Variants in AGO2 observed in about 807,000 individuals in gnomAD.
AGO2 encodes the protein argonaute RISC catalytic component 2.
In AGO2, 5 loss-of-function variants were observed where a neutral mutation model predicts 102.3. The ratio of observed to expected loss-of-function variants is 0.05; its 90% CI spans 0.03 to 0.10. The LOEUF (loss-of-function observed/expected upper bound fraction) is 0.10. Ranked by LOEUF, AGO2 falls within the 10% of genes least tolerant of loss-of-function variation. The pLI is 1.00. For missense variants in AGO2, 541 were observed against 1,183.7 expected (o/e 0.46, Z 7.97); for synonymous variants, 449 against 473.1 (o/e 0.95, Z 0.66).
chr8:140,608,554 G>A (rs369078968), intron 1 of AGO2, among the ~76,000 whole-genome samples: 7 of 152,224 alleles, frequency 4.6e-5, no homozygotes, highest in Non-Finnish European at 8.8e-5. Flanking sequence ...GGACCGGGGC[G>A]GGGACCTGAG....
chr8:140,543,190 C>T (rs985540431), intron 14 of AGO2, among the ~76,000 whole-genome samples: 7 of 140,330 alleles, frequency 5.0e-5, no homozygotes, highest in African/African-American at 1.2e-4. Context: ...AAAAAACCCA[C>T]AAAACAACAA....
intron 1 of AGO2, among the ~76,000 whole-genome samples, chr8:140,597,398 T>A (rs1199434413): frequency 1.3e-5 from 2 of 151,148 alleles, no homozygotes; most frequent in Non-Finnish European, 2.9e-5. Context: ...GGAGTTGAAG[T>A]CTGGCTGACA....
chr8:140,592,399 C>A (rs981080762), intron 1 of AGO2: 1 of 152,174 alleles, frequency 6.6e-6, no homozygotes, highest in Non-Finnish European at 1.5e-5. Flanking sequence ...TTTGTGATTC[C>A]GACTCTGTAT....
At chr8:140,606,721 G>A (rs189478998) in intron 1 of AGO2, among the ~76,000 whole-genome samples, 5 of 152,262 alleles carry the variant, frequency 3.3e-5, no homozygotes, top group Middle Eastern at 6.8e-3. Flanking sequence ...CAGATCACCC[G>A]AGGTCAGGAG....
rs111566059 is a variant in AGO2 at position 140,610,249 on chromosome 8, C to T, written c.23-24938G>A. 5.6e-3 allele frequency among the ~76,000 whole-genome samples: 849 copies of T among 152,046 alleles called. 10 individuals are homozygous for T. Among genetic ancestry groups the T allele is most frequent in the African/African-American group, 0.019 (778 of 41,470 alleles). ...CCCAAAACCAAAAACCAAAGACAGA[C>T]GGCAAAGACAAGAGATCAGGAAAGG... is the stretch of plus-strand genomic sequence containing the variant. On this transcript the variant is annotated intron_variant, in intron 1 of 18. Coordinates refer to ENST00000220592, the MANE Select transcript of AGO2 (RefSeq NM_012154.5).
Position 140,532,502 on chromosome 8 carries a change from G to C in AGO2, c.2385C>G (p.Arg795=). The part of the protein sequence containing the change: ...QLCHTYVRCT[R]SVSIPAPAYY... ...ATGCTGGCGCTGGGATGGACACGGA[G>C]CGTGTGCAGCGCACGTAGGTGTGAC... is the stretch of plus-strand genomic sequence containing the variant. The change falls in exon 18 of 19, where the codon CGC becomes CGG. Residue 795 remains arginine (R), a synonymous_variant. Transcript: ENST00000220592. The C allele has an allele frequency of 6.2e-7, 1 of 1,614,284 alleles. No homozygotes were observed. The highest frequency in any genetic ancestry group is 8.5e-7 in the Non-Finnish European group (1 of 1,180,056).
chr8:140,630,900 A>G (rs995753124), intron 1 of AGO2, among the ~76,000 whole-genome samples: 1 of 152,078 alleles, frequency 6.6e-6, no homozygotes, highest in Admixed American at 6.5e-5. Flanking sequence ...AAAAAGTAAA[A>G]CACCTTCGCT....
chr8:140,610,341 C>T (rs1410407751), intron 1 of AGO2, among the ~76,000 whole-genome samples: 1 of 152,126 alleles, frequency 6.6e-6, no homozygotes, highest in Admixed American at 6.5e-5. Flanking sequence ...CCTCAGCCTC[C>T]CGAGTAGCTG....
intron 13 of AGO2, 62 bp from the exon 14 acceptor site, chr8:140,544,365 G>A (rs1231858998): frequency 1.4e-6 from 2 of 1,402,868 alleles, no homozygotes; most frequent in Non-Finnish European, 1.9e-6. Flanking sequence ...GACGCTAGTA[G>A]GTGCCACCAT....
chr8:140,539,210 A>C lies in AGO2; in HGVS notation c.2169+110T>G. On this transcript the variant is annotated intron_variant, in intron 16 of 18. Coordinates refer to ENST00000220592, the MANE Select transcript of AGO2 (RefSeq NM_012154.5). The surrounding 1 kb of genome is among the most constrained non-coding windows in gnomAD (Gnocchi z 4.7). ...GCCCCTTAGAGGACAGAGTCACCCT[A>C]GAGCCTGGGACAGCGGCACTGTGGC... 30 of 1,455,738 alleles carry C rather than the reference A, an allele frequency of 2.1e-5. No individual in the cohort carries two copies. Among genetic ancestry groups the C allele is most frequent in the Non-Finnish European group, 2.5e-5 (27 of 1,088,562 alleles). The allele number at this position is 1,455,738 out of a possible 1,614,324, so 90.2% of individuals were successfully genotyped here.
rs1263945668 is a variant in AGO2, at chr8:140,557,664, C to T, written c.879-428G>A. Among the ~76,000 whole-genome samples the T allele has an allele frequency of 2.6e-5, 4 of 152,214 alleles. No homozygotes were observed. Among genetic ancestry groups the T allele is most frequent in the East Asian group, 1.9e-4 (1 of 5,206 alleles). ...GCAGGCCAGGCCGGTTCCGGCCGCA[C>T]GGTGACGGCAGGAGACGCCTGGGTG... On this transcript the variant is annotated intron_variant, in intron 7 of 18. Coordinates refer to ENST00000220592, the MANE Select transcript of AGO2 (RefSeq NM_012154.5). The surrounding 1 kb of genome is among the most constrained non-coding windows in gnomAD (Gnocchi z 5.9).
chr8:140,612,022 G>T (rs1284446051), intron 1 of AGO2, among the ~76,000 whole-genome samples: 4 of 151,412 alleles, frequency 2.6e-5, no homozygotes, highest in Admixed American at 1.3e-4. Flanking sequence ...AGGAGATCGA[G>T]ACCATCCTGG....
In AGO2 at chr8:140,535,340, C is replaced by T. The variant is rs1270394822; in HGVS notation, c.2271+128G>A. The T allele has an allele frequency of 4.0e-6, 4 of 991,704 alleles. No homozygotes were observed. The African/African-American group carries it at 4.8e-5, about 12-fold the overall frequency. The allele number at this position is 991,704 out of a possible 1,614,324, so 61.4% of individuals were successfully genotyped here. A position where few individuals can be genotyped will look rare whatever the true frequency, so the allele number is the denominator to read the frequency against. The stretch of plus-strand genomic sequence containing the variant: ...TGGCACAGCCTGGGCTCCCCGGTTC[C>T]CTGGTACTGCCTGTGTGGGCCCCTC... On this transcript the variant is annotated intron_variant, in intron 17 of 18. Coordinates refer to ENST00000220592, the MANE Select transcript of AGO2 (RefSeq NM_012154.5).
At chr8:140,593,795 C>T (rs533123686) in intron 1 of AGO2, among the ~76,000 whole-genome samples, 30 of 152,202 alleles carry the variant, frequency 2.0e-4, no homozygotes, top group Non-Finnish European at 3.7e-4. Context: ...AGATGTGGTC[C>T]GAGGTGTCTG....
Position 140,544,308 on chromosome 8 carries a change from GGA to G in AGO2, c.1749-7_1749-6del. 6.3e-7 allele frequency: 1 copy of G among 1,598,184 alleles called. No individual in the cohort carries two copies. Among genetic ancestry groups the G allele is most frequent in the Non-Finnish European group, 8.5e-7 (1 of 1,173,770 alleles). ...GGCTGCTGGAACACCGGCGGCCTGCGGAGAGGAGTGGCGTCAGGGGCCACGGT... is the reference window on the plus strand; with the variant it reads ...GGCTGCTGGAACACCGGCGGCCTGCGGAGGAGTGGCGTCAGGGGCCACGGT... On this transcript the variant is annotated splice_region_variant and splice_polypyrimidine_tract_variant and intron_variant, in intron 13 of 18. Transcript: ENST00000220592.
At chr8:140,634,203 CT>C (rs1369711511) in intron 1 of AGO2, among the ~76,000 whole-genome samples, 1 of 152,268 alleles carries the variant, frequency 6.6e-6, no homozygotes, top group African/African-American at 2.4e-5. Context: ...CTTGTTGAAG[CT>C]TTCTAAATGA....
intron 1 of AGO2, among the ~76,000 whole-genome samples, chr8:140,617,952 G>A (rs2074162371): frequency 6.6e-6 from 1 of 151,708 alleles, no homozygotes; most frequent in Non-Finnish European, 1.5e-5. Context: ...AGGCTGCTGT[G>A]AGCCGTGATT....
rs2072990735 is a variant in AGO2, at chr8:140,551,347, A to G, written c.1359T>C (p.Ile453=). 1 of 1,588,082 alleles carries G rather than the reference A, an allele frequency of 6.3e-7. No individual in the cohort carries two copies. Among genetic ancestry groups the G allele is most frequent in the Non-Finnish European group, 8.6e-7 (1 of 1,163,682 alleles). ...ACTGGCGCTGGGGGGCGAAGCACGCAATGGCCCACACCTTGATCTCGATGC... is the reference window on the plus strand; with the variant it reads ...ACTGGCGCTGGGGGGCGAAGCACGCGATGGCCCACACCTTGATCTCGATGC... ...HTGIEIKVWA[I]ACFAPQRQCT... Residue 453 remains isoleucine (I), a synonymous_variant, in exon 11 of 19, where the codon ATT becomes ATC. Transcript: ENST00000220592.
intron 3 of AGO2, among the ~76,000 whole-genome samples, chr8:140,566,087 C>T (rs927612959): frequency 6.6e-6 from 1 of 152,094 alleles, no homozygotes; most frequent in African/African-American, 2.4e-5. Flanking sequence ...GAATCAGCGC[C>T]TGTTATGTTT....
Sources: gnomAD v4.1 joint callset for allele counts (sites outside exome capture counted in the v4.1 genomes callset) on GRCh38, gnomAD v4.1.1 for gene constraint, Gnocchi (gnomAD v3.1) non-coding constraint, MANE v1.5 for transcripts, NCBI Gene and HGNC (gene_info 2026-07-23, HGNC 2026-07-21) for gene names.